The following NFX1 variants were observed in gnomAD, a reference collection of about 807,000 sequenced individuals.
NFX1 encodes nuclear transcription factor, X-box binding 1.
Under a neutral mutation model 137.2 loss-of-function variants are expected in NFX1, and 69 were observed. That is an observed-to-expected ratio of 0.50 (90% CI 0.41 to 0.61). The LOEUF is 0.61. Ranked by LOEUF, NFX1 falls within the 20% of genes least tolerant of loss-of-function variation. The pLI is 0.00. For synonymous variants in NFX1, 495 were observed against 474.1 expected, an observed-to-expected ratio of 1.04 and a Z score of -0.57; for missense variants, 1,167 against 1,391.0, an observed-to-expected ratio of 0.84 and a Z score of 2.56.
chr9:33,327,945 A>C (rs940487662), intron 9 of NFX1, among the ~76,000 whole-genome samples: 8 of 152,164 alleles, frequency 5.3e-5, no homozygotes, highest in Non-Finnish European at 8.8e-5. Flanking sequence ...CCATGGCTAC[A>C]GTTTTAGGGA....
chr9:33,299,991 G>A (rs560069312), intron 2 of NFX1, among the ~76,000 whole-genome samples: 3 of 150,298 alleles, frequency 2.0e-5, no homozygotes, highest in Non-Finnish European at 4.4e-5. Context: ...ATTTCTAGTT[G>A]TGTGACCTTG....
chr9:33,315,578 T>C (rs898366178), intron 7 of NFX1, among the ~76,000 whole-genome samples: 1 of 152,098 alleles, frequency 6.6e-6, no homozygotes, highest in African/African-American at 2.4e-5. Flanking sequence ...CTGTGAAACA[T>C]GCTCAGAGAC....
intron 6 of NFX1, among the ~76,000 whole-genome samples, chr9:33,311,583 C>T (rs1006150503): frequency 2.6e-5 from 4 of 151,492 alleles, no homozygotes; most frequent in African/African-American, 7.3e-5. Context: ...GACGGAGTCT[C>T]GGTCTGTCAC....
intron 1 of NFX1, among the ~76,000 whole-genome samples, chr9:33,291,598 A>G (rs1418423510): frequency 1.3e-5 from 2 of 152,180 alleles, no homozygotes; most frequent in African/African-American, 2.4e-5. Flanking sequence ...ATTTATTACT[A>G]TGGTTCTTAG....
intron 12 of NFX1, 33 bp downstream of exon 12, chr9:33,338,622 A>G (rs746455145): frequency 1.9e-6 from 3 of 1,542,394 alleles, no homozygotes; most frequent in South Asian, 2.5e-5. Flanking sequence ...ATCAGATTCC[A>G]TTCATCCAGG....
intron 6 of NFX1, among the ~76,000 whole-genome samples, chr9:33,312,699 C>T (rs539992563): frequency 4.6e-5 from 7 of 152,268 alleles, no homozygotes; most frequent in Admixed American, 2.0e-4. Flanking sequence ...GGTGAAACCC[C>T]GTCTCTACTA....
At chr9:33,313,938 GTTT>G in intron 7 of NFX1, 145 bp downstream of exon 7, 1 of 758,730 alleles carries the variant, frequency 1.3e-6, no homozygotes, top group East Asian at 2.6e-5. Context: ...TGCTTAGACG[GTTT>G]TTATTATTTT....
intron 10 of NFX1, among the ~76,000 whole-genome samples, chr9:33,331,803 A>C (rs1284957649): frequency 6.6e-6 from 1 of 151,940 alleles, no homozygotes; most frequent in Non-Finnish European, 1.5e-5. Context: ...CCAAAATCAG[A>C]TGTAGAAGCC....
rs139071252 is a variant in NFX1, at chr9:33,313,567, G to A, written c.1449-87G>A. ...TAGAGAAAGGCTTAGTGGGTTTTGA[G>A]GGGAGAGTTAGGGGCCGCAGTGTTA... On this transcript the variant is annotated intron_variant, in intron 6 of 23. Transcript: ENST00000379540. 5.6e-4 allele frequency: 757 copies of A among 1,340,046 alleles called. 6 individuals are homozygous for A. In the African/African-American group the frequency reaches 9.5e-3, roughly 17 times the overall value. 83.0% of individuals were successfully genotyped at this position (1,340,046 alleles called of 1,614,324 possible).
rs986492385 is a variant in NFX1 at position 33,332,459 on chromosome 9, T to G, written c.2005-13T>G. ...TCCTAAAGTAGTTACCATTTCTTTT[T>G]CTTTTTCCATAGGAGCTTCCATGTA... On this transcript the variant is annotated splice_polypyrimidine_tract_variant and intron_variant, in intron 10 of 23. Transcript: ENST00000379540. 1.3e-6 allele frequency: 2 copies of G among 1,592,094 alleles called. No individual in the cohort carries two copies. Among genetic ancestry groups the G allele is most frequent in the Non-Finnish European group, 1.7e-6 (2 of 1,166,184 alleles).
At position 33,347,104 on chromosome 9, in the gene NFX1, T is replaced by C. The variant is rs773964858; in HGVS notation, c.2411T>C (p.Met804Thr). The change falls in exon 15 of 24, where the codon ATG (methionine) becomes ACG (threonine). Residue 804 changes from methionine to threonine, a missense_variant. By Grantham distance (81) the Met-to-Thr change is moderately conservative (BLOSUM62 -1). Transcript: ENST00000379540. ...PCTFLTQKWC[M>T]GKHEFRSNIP... ...ACTTTCCTAACTCAGAAGTGGTGCA[T>C]GGGCAAGCATGAGGTAAGTTTTCTC... is the stretch of plus-strand genomic sequence containing the variant. 2.5e-6 allele frequency: 4 copies of C among 1,612,768 alleles called. No individual in the cohort carries two copies. Among genetic ancestry groups the C allele is most frequent in the Non-Finnish European group, 3.4e-6 (4 of 1,178,980 alleles).
In NFX1 at chr9:33,294,463, G is replaced by A. The variant is rs746426321; in HGVS notation, c.69G>A (p.Gln23=). 3.1e-6 allele frequency: 5 copies of A among 1,602,724 alleles called. No homozygotes were observed. In the South Asian group the frequency reaches 4.5e-5, roughly 14 times the overall value. ...CAGATGCTGCTGAATTCATTCCTCAGGAGAAAAAAAATTCTGGTCTAAATT... is the reference window on the plus strand; with the variant it reads ...CAGATGCTGCTGAATTCATTCCTCAAGAGAAAAAAAATTCTGGTCTAAATT... ...FNTDAAEFIP[Q]EKKNSGLNCG... The change falls in exon 2 of 24, where the codon CAG becomes CAA. Residue 23 remains glutamine, a synonymous_variant. Coordinates refer to ENST00000379540, the MANE Select transcript of NFX1 (RefSeq NM_002504.6).
chr9:33,294,824 A>C lies in NFX1; in HGVS notation c.430A>C (p.Thr144Pro), dbSNP rs925203509. Residue 144 changes from threonine (T) to proline (P), a missense_variant, in exon 2 of 24, where the codon ACA (threonine) becomes CCA (proline). Around this residue, in one of 3 missense-constraint regions of NFX1, gnomAD observed 367 missense variants for 386.7 expected, o/e 0.95. Transcript: ENST00000379540. ...LESSTRSESG[T>P]DLREHSPSES... ...GAGCTCGACCAGATCAGAGAGTGGG[A>C]CAGACCTCAGAGAGCATAGTCCTTC... 6.2e-7 allele frequency: 1 copy of C among 1,614,048 alleles called. No individual in the cohort carries two copies. Among genetic ancestry groups the C allele is most frequent in the Non-Finnish European group, 8.5e-7 (1 of 1,180,042 alleles).
chr9:33,309,695 G>A (rs148386757), intron 5 of NFX1, among the ~76,000 whole-genome samples: 112 of 152,254 alleles, frequency 7.4e-4, no homozygotes, highest in African/African-American at 2.4e-3. Flanking sequence ...TGGTGCTATC[G>A]TAGCTCACTG....
At chr9:33,299,087 A>G (rs965415869) in intron 2 of NFX1, among the ~76,000 whole-genome samples, 5 of 152,266 alleles carry the variant, frequency 3.3e-5, no homozygotes, top group African/African-American at 1.2e-4. Context: ...AAAGTTGCAA[A>G]GATAGTTCAA....
At chr9:33,303,023 A>G (rs1048797849) in intron 3 of NFX1, among the ~76,000 whole-genome samples, 168 bp from the exon 4 acceptor site, 3 of 151,060 alleles carry the variant, frequency 2.0e-5, no homozygotes, top group African/African-American at 7.3e-5. Context: ...GCTGTATTCA[A>G]GCTAAGCAGT....
intron 20 of NFX1, 81 bp from the exon 21 acceptor site, chr9:33,364,627 G>A (rs1199447937): frequency 1.1e-5 from 17 of 1,503,990 alleles, no homozygotes; most frequent in Non-Finnish European, 1.4e-5. Flanking sequence ...TATTGTCTAC[G>A]CTTTACAGGG....
intron 14 of NFX1, 126 bp from the exon 15 acceptor site, chr9:33,346,911 GT>G (rs1823441673): frequency 1.7e-6 from 1 of 581,170 alleles, no homozygotes; most frequent in Non-Finnish European, 2.9e-6. Flanking sequence ...TCCTGTGACC[GT>G]TTTTCAAAAG....
chr9:33,295,857 T>TTATCA (rs1821336489), intron 2 of NFX1, among the ~76,000 whole-genome samples: 1 of 152,208 alleles, frequency 6.6e-6, no homozygotes, highest in Non-Finnish European at 1.5e-5. Flanking sequence ...CTAACTGGTC[T>TTATCA]TATCATCTCT....
Sources: allele counts gnomAD v4.1 joint callset (sites outside exome capture counted in the v4.1 genomes callset), GRCh38; gene constraint gnomAD v4.1.1; regional missense constraint gnomAD v4.1.1; transcripts MANE v1.5; gene names NCBI Gene and HGNC (gene_info 2026-07-23, HGNC 2026-07-21).